Variants in NIT2 observed in about 807,000 individuals in gnomAD.
NIT2 encodes nitrilase family member 2.
A neutral mutation model predicts 42.7 loss-of-function variants in NIT2; 46 were observed. The observed-to-expected ratio is 1.08, with a 90% CI of 0.85 to 1.38. The LOEUF (loss-of-function observed/expected upper bound fraction) is 1.38, where lower values mean the gene tolerates loss of function less well. NIT2 is among the 40% of genes most tolerant of loss of function. The probability of loss-of-function intolerance (pLI) is 0.00; values close to 1 mark genes in which losing one functional copy is unlikely to be tolerated. For missense variants in NIT2, 309 were observed against 342.5 expected (o/e 0.90, Z 0.77); for synonymous variants, 123 against 121.9 (o/e 1.01, Z -0.06).
chr3:100,355,095 G>C, intron 9 of NIT2, 82 bp from the exon 10 acceptor site: 4 of 1,023,524 alleles, frequency 3.9e-6, no homozygotes, highest in Non-Finnish European at 6.1e-6. Context: ...GACTCTGGTG[G>C]TTTATACAGT....
chr3:100,344,135 T>C (rs1382157031), intron 4 of NIT2, among the ~76,000 whole-genome samples: 1 of 151,698 alleles, frequency 6.6e-6, no homozygotes, highest in Non-Finnish European at 1.5e-5. Flanking sequence ...TTTCAGGATT[T>C]CCCCCCTTGG....
At chr3:100,350,953 G>A (rs923262411) in intron 7 of NIT2, among the ~76,000 whole-genome samples, 23 of 151,900 alleles carry the variant, frequency 1.5e-4, no homozygotes, top group Admixed American at 8.5e-4. Flanking sequence ...GAGAATATGC[G>A]GTGTTTGGTT....
At position 100,344,474 on chromosome 3, in the gene NIT2, ATCTTTT is replaced by A. The variant is rs1706190149; in HGVS notation, c.337-1109_337-1104del. ...CTATTAACCCAACTCTTTGAAGTATATCTTTTTAGTATTAAGTTTTCCAGTCCATGA... is the reference window on the plus strand; with the variant it reads ...CTATTAACCCAACTCTTTGAAGTATATAGTATTAAGTTTTCCAGTCCATGA... On this transcript the variant is annotated intron_variant, in intron 4 of 9. Transcript: ENST00000394140. Among the ~76,000 whole-genome samples the A allele has an allele frequency of 1.1e-4, 17 of 152,340 alleles. No homozygotes were observed. In the South Asian group the frequency reaches 3.5e-3, roughly 32 times the overall value.
intron 4 of NIT2, among the ~76,000 whole-genome samples, chr3:100,342,037 T>TCC (rs1028787838): frequency 5.9e-5 from 9 of 151,872 alleles, no homozygotes; most frequent in Admixed American, 2.0e-4. Flanking sequence ...AGAGCAAGAC[T>TCC]CCATCTCAAA....
At position 100,360,549 on chromosome 3, in the gene NIT2, T is replaced by C. The variant is rs950335219; in HGVS notation, c.*5281T>C. The stretch of plus-strand genomic sequence containing the variant: ...GTGAGCCAAGATCACACCACTGTAC[T>C]CCTGGGCAACAGAGTTAAACTGTAT... On this transcript the variant is annotated 3_prime_UTR_variant, in exon 10 of 10. Transcript: ENST00000394140. 6.6e-6 allele frequency: 1 copy of C among 152,138 alleles called. No homozygotes were observed. Among genetic ancestry groups the C allele is most frequent in the African/African-American group, 2.4e-5 (1 of 41,408 alleles). 9.4% of individuals were successfully genotyped at this position (152,138 alleles called of 1,614,324 possible).
At chr3:100,350,670 T>C (rs1706264159) in intron 7 of NIT2, among the ~76,000 whole-genome samples, 1 of 152,160 alleles carries the variant, frequency 6.6e-6, no homozygotes, top group Non-Finnish European at 1.5e-5. Context: ...GTCAGGAAGA[T>C]CTCTAGACAT....
intron 1 of NIT2, among the ~76,000 whole-genome samples, chr3:100,335,717 A>G (rs1269144681): frequency 6.6e-6 from 1 of 152,252 alleles, no homozygotes; most frequent in Non-Finnish European, 1.5e-5. Context: ...TCGGAAGCAC[A>G]GACATGGCCC....
At position 100,345,665 on chromosome 3, in the gene NIT2, C is replaced by T. The variant is rs1706209176; in HGVS notation, c.417C>T (p.Ser139=). 2.5e-6 allele frequency: 4 copies of T among 1,608,590 alleles called. No homozygotes were observed. Among genetic ancestry groups the T allele is most frequent in the Non-Finnish European group, 3.4e-6 (4 of 1,175,290 alleles). The part of the protein sequence containing the change: ...SKTLSPGDSF[S]TFDTPYCRVG... ...CATTGAGTCCGGGTGATAGTTTCTC[C>T]ACATTTGATACTCGTATGTACCAGA... is the stretch of plus-strand genomic sequence containing the variant. The change falls in exon 5 of 10, where the codon TCC becomes TCT. Residue 139 remains serine, a synonymous_variant. Coordinates refer to ENST00000394140, the MANE Select transcript of NIT2 (RefSeq NM_020202.5).
intron 4 of NIT2, among the ~76,000 whole-genome samples, chr3:100,343,545 C>T (rs1221223298): frequency 1.3e-5 from 2 of 152,076 alleles, no homozygotes; most frequent in Non-Finnish European, 2.9e-5. Flanking sequence ...CTGAAATACC[C>T]CTTTGCTTCT....
Position 100,341,174 on chromosome 3 carries a change from T to A in NIT2, c.336+13T>A, listed in dbSNP as rs376056717. On this transcript the variant is annotated intron_variant, in intron 4 of 9. Coordinates refer to ENST00000394140, the MANE Select transcript of NIT2 (RefSeq NM_020202.5). ...AAAGTATAGAAAGGTAAGTAGGAAG[T>A]GTGGCATAAGAATTTGTTATCTCTA... 6.3e-7 allele frequency: 1 copy of A among 1,589,958 alleles called. No homozygotes were observed. The highest frequency in any genetic ancestry group is 1.3e-5 in the African/African-American group (1 of 74,390).
intron 4 of NIT2, among the ~76,000 whole-genome samples, chr3:100,345,151 G>T (rs1326964888): frequency 6.6e-6 from 1 of 151,570 alleles, no homozygotes; most frequent in Non-Finnish European, 1.5e-5. Context: ...TAGAGACAAG[G>T]TTTCACTACT....
At chr3:100,348,519 G>C (rs1253034191) in intron 6 of NIT2, among the ~76,000 whole-genome samples, 1 of 152,120 alleles carries the variant, frequency 6.6e-6, no homozygotes, top group Non-Finnish European at 1.5e-5. Context: ...GGAATTTTCT[G>C]TTCTCTTGCG....
chr3:100,354,099 C>T (rs973786057), intron 8 of NIT2, among the ~76,000 whole-genome samples: 1 of 152,200 alleles, frequency 6.6e-6, no homozygotes, highest in Non-Finnish European at 1.5e-5. Flanking sequence ...ACAGGTCAGC[C>T]TTACCCTGGA....
chr3:100,337,467 T>A (rs948610338), intron 1 of NIT2, among the ~76,000 whole-genome samples: 9 of 152,116 alleles, frequency 5.9e-5, no homozygotes, highest in Admixed American at 3.3e-4. Context: ...TTATTTATTT[T>A]TTTGGAGACT....
chr3:100,336,987 C>T lies in NIT2; in HGVS notation c.8-2100C>T, dbSNP rs1360263837. Among the ~76,000 whole-genome samples, 3 of 152,200 alleles carry T rather than the reference C, an allele frequency of 2.0e-5. No individual in the cohort carries two copies. In the East Asian group the frequency reaches 5.8e-4, roughly 29 times the overall value. ...TACCTGGCTTTCCTAGGCAGAGGTC[C>T]CTGCGGCCTTCCGCAGTGTTTGTGT... On this transcript the variant is annotated intron_variant, in intron 1 of 9. Transcript: ENST00000394140.
At position 100,356,152 on chromosome 3, in the gene NIT2, A is replaced by G. The variant is rs1248002674; in HGVS notation, c.*884A>G. The G allele has an allele frequency of 6.6e-6, 1 of 152,226 alleles. No individual in the cohort carries two copies. Among genetic ancestry groups the G allele is most frequent in the Non-Finnish European group, 1.5e-5 (1 of 68,070 alleles). 9.4% of individuals were successfully genotyped at this position (152,226 alleles called of 1,614,324 possible). ...GAGGCTGAGGTAGGAGGATCCCTTG[A>G]GTCCACAAGTTTGAGTTCAGCCAGA... is the stretch of plus-strand genomic sequence containing the variant. On this transcript the variant is annotated 3_prime_UTR_variant, in exon 10 of 10. Transcript: ENST00000394140.
Position 100,354,779 on chromosome 3 carries a change from G to T in NIT2, c.691G>T (p.Val231Phe). Residue 231 changes from valine to phenylalanine, a missense_variant, in exon 9 of 10, where the codon GTT (valine) becomes TTT (phenylalanine). Val to Phe is a conservative substitution (Grantham distance 50). Coordinates refer to ENST00000394140, the MANE Select transcript of NIT2 (RefSeq NM_020202.5). ...HSTVVNPWGEVLAKAGTEEAI... is the reference protein window; with the variant it reads ...HSTVVNPWGEFLAKAGTEEAI... ...CTTCTGCATCTTTTTCAGGGGGGAG[G>T]TTCTAGCCAAAGCTGGCACAGAAGA... 1 of 1,608,456 alleles carries T rather than the reference G, an allele frequency of 6.2e-7. No individual in the cohort carries two copies. The highest frequency in any genetic ancestry group is 8.5e-7 in the Non-Finnish European group (1 of 1,177,186).
In NIT2 at chr3:100,358,079, TTTTG is replaced by T. The variant is rs1193266096; in HGVS notation, c.*2819_*2822del. The T allele has an allele frequency of 5.3e-5, 8 of 152,208 alleles. No individual in the cohort carries two copies. Among genetic ancestry groups the T allele is most frequent in the South Asian group, 2.1e-4 (1 of 4,832 alleles). The allele number at this position is 152,208 out of a possible 1,614,324, so 9.4% of individuals were successfully genotyped here. The stretch of plus-strand genomic sequence containing the variant: ...CAGACGTGAGCCACGGCACCCAGCC[TTTTG>T]TTTGTTTTTGTTTTTATGTATTTCA... On this transcript the variant is annotated 3_prime_UTR_variant, in exon 10 of 10. Transcript: ENST00000394140.
intron 3 of NIT2, among the ~76,000 whole-genome samples, chr3:100,340,184 C>T (rs113311116): frequency 6.6e-6 from 1 of 152,172 alleles, no homozygotes; most frequent in East Asian, 1.9e-4. Flanking sequence ...GATTCTCCCA[C>T]CTCCTGAGTA....
Sources: gnomAD v4.1 joint callset for allele counts (sites outside exome capture counted in the v4.1 genomes callset) on GRCh38, gnomAD v4.1.1 for gene constraint, MANE v1.5 for transcripts, NCBI Gene and HGNC (gene_info 2026-07-23, HGNC 2026-07-21) for gene names.